The following SKAP1 variants were observed in gnomAD, a reference collection of about 807,000 sequenced individuals.
SKAP1 encodes the protein src kinase-associated phosphoprotein 1.
In SKAP1, 44 loss-of-function variants were observed where a neutral mutation model predicts 58.5. The ratio of observed to expected loss-of-function variants is 0.75; its 90% CI spans 0.59 to 0.97. The LOEUF (loss-of-function observed/expected upper bound fraction) is 0.97, where lower values mean the gene tolerates loss of function less well. Among genes scored for constraint, SKAP1 ranks in the 50% least tolerant of loss-of-function variants. The probability of loss-of-function intolerance (pLI) is 0.00; values close to 1 mark genes in which losing one functional copy is unlikely to be tolerated. For synonymous variants in SKAP1, 127 were observed against 149.7 expected, an observed-to-expected ratio of 0.85 and a Z score of 1.11; for missense variants, 390 against 435.2, an observed-to-expected ratio of 0.90 and a Z score of 0.92.
intron 1 of SKAP1, among the ~76,000 whole-genome samples, chr17:48,426,422 C>T (rs141362749): frequency 2.6e-5 from 4 of 152,320 alleles, no homozygotes; most frequent in Non-Finnish European, 4.4e-5. Context: ...GGACAAACTA[C>T]GAACCAAAGA....
rs138852888 is a variant in SKAP1, at chr17:48,422,413, C to T, written c.46+7662G>A. Among the ~76,000 whole-genome samples, 16 of 152,220 alleles carry T rather than the reference C, an allele frequency of 1.1e-4. 1 individual carries two copies. The highest frequency in any genetic ancestry group is 3.8e-4 in the African/African-American group (16 of 41,562). Reference sequence around the variant, plus strand: ...ACATTTATATGGTGTTTAGTACATACCAGATACTGTTCTAAATTCTTTTCA... The same window carrying T: ...ACATTTATATGGTGTTTAGTACATATCAGATACTGTTCTAAATTCTTTTCA... On this transcript the variant is annotated intron_variant, in intron 1 of 12. Coordinates refer to ENST00000336915, the MANE Select transcript of SKAP1 (RefSeq NM_003726.4).
At chr17:48,282,911 C>T (rs2065785633) in intron 4 of SKAP1, among the ~76,000 whole-genome samples, 1 of 152,060 alleles carries the variant, frequency 6.6e-6, no homozygotes, top group Non-Finnish European at 1.5e-5. Context: ...GCCATCCACT[C>T]TTAGCAATTA....
intron 4 of SKAP1, among the ~76,000 whole-genome samples, chr17:48,218,446 A>T (rs2064965853): frequency 6.6e-6 from 1 of 152,220 alleles, no homozygotes; most frequent in Non-Finnish European, 1.5e-5. Flanking sequence ...CTCATCACTT[A>T]ATCAATTCTA....
chr17:48,265,229 G>T (rs1348348463), intron 4 of SKAP1, among the ~76,000 whole-genome samples: 1 of 152,140 alleles, frequency 6.6e-6, no homozygotes, highest in Non-Finnish European at 1.5e-5. Flanking sequence ...GCTATGGCTG[G>T]GTGCGGTGGC....
In SKAP1 at chr17:48,187,823, T is replaced by C. The variant is rs768769206; in HGVS notation, c.442+20A>G. On this transcript the variant is annotated intron_variant, in intron 6 of 12. Transcript: ENST00000336915. ...TGCATCCAGGAGTGAGATGCTGCTGTGTAAATGAAGAACACTTACTCTTCT... is the reference window on the plus strand; with the variant it reads ...TGCATCCAGGAGTGAGATGCTGCTGCGTAAATGAAGAACACTTACTCTTCT... The C allele has an allele frequency of 5.2e-6, 8 of 1,553,362 alleles. No homozygotes were observed. The highest frequency in any genetic ancestry group is 1.7e-4 in the Middle Eastern group (1 of 5,960).
chr17:48,221,036 A>G (rs1057314549), intron 4 of SKAP1, among the ~76,000 whole-genome samples: 4 of 152,108 alleles, frequency 2.6e-5, no homozygotes, highest in Non-Finnish European at 5.9e-5. Flanking sequence ...TCGGAGGCCA[A>G]GGCAGGCGGA....
intron 12 of SKAP1, among the ~76,000 whole-genome samples, chr17:48,135,326 C>T (rs2063685153): frequency 6.6e-6 from 1 of 152,148 alleles, no homozygotes; most frequent in South Asian, 2.1e-4. Flanking sequence ...CTAGTGACAA[C>T]ATGCTGGTCT....
intron 4 of SKAP1, among the ~76,000 whole-genome samples, chr17:48,268,338 C>T (rs945118317): frequency 6.6e-6 from 1 of 151,512 alleles, no homozygotes; most frequent in Non-Finnish European, 1.5e-5. Flanking sequence ...TGACAATTTT[C>T]TAAAACTTGA....
chr17:48,296,988 A>G (rs1310429414), intron 4 of SKAP1, among the ~76,000 whole-genome samples: 1 of 152,160 alleles, frequency 6.6e-6, no homozygotes, highest in Non-Finnish European at 1.5e-5. Context: ...TTCTCTGTCT[A>G]AGGAGTTAGA....
At chr17:48,330,174 T>G (rs2066487055) in intron 4 of SKAP1, among the ~76,000 whole-genome samples, 1 of 152,220 alleles carries the variant, frequency 6.6e-6, no homozygotes, top group Admixed American at 6.5e-5. Flanking sequence ...CTTGTACTCC[T>G]AGAATGCAGG....
At chr17:48,149,691 ATC>A (rs759011934) in intron 11 of SKAP1, among the ~76,000 whole-genome samples, 8 of 152,172 alleles carry the variant, frequency 5.3e-5, no homozygotes, top group South Asian at 4.2e-4. Flanking sequence ...GGTACTAATG[ATC>A]TGTTTACTGC....
rs538540428 is a variant in SKAP1 at position 48,340,213 on chromosome 17, T to C, written c.280+5692A>G. Among the ~76,000 whole-genome samples the C allele has an allele frequency of 4.6e-5, 7 of 151,964 alleles. No homozygotes were observed. In the South Asian group the frequency reaches 1.2e-3, roughly 27 times the overall value. ...AAATAAATAAATAAAATAAAGTCTA[T>C]CGAGGGTGCTGTCATAGATTTAGAG... is the stretch of plus-strand genomic sequence containing the variant. On this transcript the variant is annotated intron_variant, in intron 4 of 12. Coordinates refer to ENST00000336915, the MANE Select transcript of SKAP1 (RefSeq NM_003726.4).
upstream of SKAP1, chr17:48,430,218 T>C: frequency 3.3e-6 from 2 of 614,150 alleles, no homozygotes; most frequent in Non-Finnish European, 4.2e-6. Flanking sequence ...CACCTGTACC[T>C]CAGCCGCGGT....
In SKAP1 at chr17:48,137,144, C is replaced by A; in HGVS notation, c.*7+85G>T. On this transcript the variant is annotated intron_variant, in intron 12 of 12. Coordinates refer to ENST00000336915, the MANE Select transcript of SKAP1 (RefSeq NM_003726.4). ...AAATGAAGAAAAGCTACTTCACTGGCAACTCTCATCTTTCAGAGAAACAAA... is the reference window on the plus strand; with the variant it reads ...AAATGAAGAAAAGCTACTTCACTGGAAACTCTCATCTTTCAGAGAAACAAA... 5 of 767,970 alleles carry A rather than the reference C, an allele frequency of 6.5e-6. 1 individual carries two copies. Among genetic ancestry groups the A allele is most frequent in the Non-Finnish European group, 1.1e-5 (5 of 452,478 alleles). 47.6% of individuals were successfully genotyped at this position (767,970 alleles called of 1,614,324 possible). A position where few individuals can be genotyped will look rare whatever the true frequency, so the allele number is the denominator to read the frequency against.
intron 4 of SKAP1, among the ~76,000 whole-genome samples, chr17:48,234,956 T>C (rs909018834): frequency 6.6e-6 from 1 of 152,232 alleles, no homozygotes. Flanking sequence ...GAGATCTCAA[T>C]GTATTTTAAA....
At chr17:48,335,082 T>G (rs1214488574) in intron 4 of SKAP1, among the ~76,000 whole-genome samples, 1 of 151,892 alleles carries the variant, frequency 6.6e-6, no homozygotes, top group Non-Finnish European at 1.5e-5. Context: ...ATATCATTCT[T>G]CTCTTACAAT....
At chr17:48,173,178 C>T (rs1375719355) in intron 9 of SKAP1, among the ~76,000 whole-genome samples, 1 of 118,958 alleles carries the variant, frequency 8.4e-6, no homozygotes, top group Non-Finnish European at 1.9e-5. Context: ...AGAGCGAGAC[C>T]TTGTCTCTAA....
intron 11 of SKAP1, among the ~76,000 whole-genome samples, chr17:48,152,702 T>C (rs1295455645): frequency 6.6e-6 from 1 of 152,218 alleles, no homozygotes; most frequent in African/African-American, 2.4e-5. Context: ...TTTAAAGATT[T>C]ATGTGGTAAA....
At chr17:48,402,573 G>A (rs773671096) in intron 1 of SKAP1, among the ~76,000 whole-genome samples, 3 of 152,112 alleles carry the variant, frequency 2.0e-5, no homozygotes. Context: ...CAAGCAAACT[G>A]CCTGCCTTGG....
Sources: gnomAD v4.1 joint callset for allele counts (sites outside exome capture counted in the v4.1 genomes callset) on GRCh38, gnomAD v4.1.1 for gene constraint, MANE v1.5 for transcripts, NCBI Gene and HGNC (gene_info 2026-07-23, HGNC 2026-07-21) for gene names.